Variants in RPL32 observed in about 807,000 individuals in gnomAD.
RPL32 encodes the protein large ribosomal subunit protein eL32.
For missense variants in RPL32, 117 were observed against 173.7 expected, an observed-to-expected ratio of 0.67 and a Z score of 1.83; for synonymous variants, 61 against 62.6, an observed-to-expected ratio of 0.98 and a Z score of 0.12.
chr3:12,836,576 G>C (rs765596215), intron 3 of RPL32, among the ~76,000 whole-genome samples: 3 of 152,100 alleles, frequency 2.0e-5, no homozygotes, highest in Non-Finnish European at 4.4e-5. Flanking sequence ...CCAGTCACAG[G>C]GTGCTTGACC....
intron 2 of RPL32, 117 bp downstream of exon 2, chr3:12,840,025 G>A: frequency 1.2e-6 from 1 of 849,062 alleles, no homozygotes; most frequent in Non-Finnish European, 2.0e-6. Context: ...TATTTCTACA[G>A]AAAGCTCTTC....
chr3:12,840,347 G>C, intron 1 of RPL32, 105 bp from the exon 2 acceptor site: 1 of 864,690 alleles, frequency 1.2e-6, no homozygotes. Context: ...GCCAGCTACG[G>C]AGCAAGCTGG....
intron 3 of RPL32, among the ~76,000 whole-genome samples, chr3:12,838,102 T>C (rs1331815687): frequency 6.6e-6 from 1 of 152,212 alleles, no homozygotes; most frequent in African/African-American, 2.4e-5. Flanking sequence ...ACACAGAGCC[T>C]GTCTATCTCT....
At chr3:12,841,351 TTC>T (rs1491508513) in intron 1 of RPL32, 141 bp downstream of exon 1, 1 of 152,262 alleles carries the variant, frequency 6.6e-6, no homozygotes, top group African/African-American at 2.4e-5. Flanking sequence ...GGCGGCTTCG[TTC>T]TGTTCCTGTA....
intron 2 of RPL32, among the ~76,000 whole-genome samples, chr3:12,839,747 CCAAG>C (rs2062132769): frequency 6.6e-6 from 1 of 152,148 alleles, no homozygotes; most frequent in African/African-American, 2.4e-5. Flanking sequence ...ATTGCCACTC[CCAAG>C]CAATGGAGGA....
At chr3:12,836,898 C>T (rs1052824444) in intron 3 of RPL32, among the ~76,000 whole-genome samples, 7 of 152,176 alleles carry the variant, frequency 4.6e-5, no homozygotes, top group African/African-American at 1.2e-4. Context: ...AGACATTCCA[C>T]CCCTAAAGCA....
At chr3:12,836,664 T>C (rs996979808) in intron 3 of RPL32, among the ~76,000 whole-genome samples, 6 of 152,188 alleles carry the variant, frequency 3.9e-5, no homozygotes. Context: ...CAAGAGCACC[T>C]GGTTTGACTG....
At position 12,834,593 on chromosome 3, in the gene RPL32, T is replaced by C. The variant is rs1349436195; in HGVS notation, c.*1501A>G. On this transcript the variant is annotated 3_prime_UTR_variant, in exon 4 of 4. Transcript: ENST00000429711. ...GAACTGGACAGGCTTGGACCTCATG[T>C]TTCATTTCTAATTTCAAAATACTTA... 6.6e-6 allele frequency: 1 copy of C among 152,572 alleles called. No individual in the cohort carries two copies. Among genetic ancestry groups the C allele is most frequent in the African/African-American group, 2.4e-5 (1 of 41,456 alleles). The allele number at this position is 152,572 out of a possible 1,614,324, so 9.5% of individuals were successfully genotyped here.
At chr3:12,836,340 T>G in intron 3 of RPL32, 117 bp from the exon 4 acceptor site, 1 of 1,264,030 alleles carries the variant, frequency 7.9e-7, no homozygotes, top group Non-Finnish European at 1.1e-6. Flanking sequence ...GGTAAGTGGC[T>G]GTGGAATGAC....
At chr3:12,839,104 G>C (rs11721292) in intron 3 of RPL32, 13,908 of 581,204 alleles carry the variant, frequency 0.024, 213 homozygotes, top group Middle Eastern at 0.03. Flanking sequence ...TCACAAAGCA[G>C]TCTTTTCCTG....
chr3:12,836,357 A>T (rs2062100124), intron 3 of RPL32, 134 bp from the exon 4 acceptor site: 1 of 1,005,144 alleles, frequency 9.9e-7, no homozygotes, highest in Admixed American at 2.2e-5. Context: ...TGACACCTAC[A>T]TGCCCCCAAA....
At chr3:12,836,735 C>G (rs1389337809) in intron 3 of RPL32, among the ~76,000 whole-genome samples, 7 of 152,260 alleles carry the variant, frequency 4.6e-5, no homozygotes, top group African/African-American at 1.7e-4. Flanking sequence ...CATAGCCATG[C>G]CTATTACCTG....
intron 2 of RPL32, 138 bp from the exon 3 acceptor site, chr3:12,839,668 CCTTA>C: frequency 1.1e-6 from 1 of 889,174 alleles, no homozygotes; most frequent in Non-Finnish European, 1.8e-6. Flanking sequence ...TTCACTATTT[CCTTA>C]CTTTTTTGGT....
chr3:12,837,511 C>T (rs746800479), intron 3 of RPL32, among the ~76,000 whole-genome samples: 3 of 152,246 alleles, frequency 2.0e-5, no homozygotes, highest in Non-Finnish European at 4.4e-5. Context: ...GGCCATACAA[C>T]AGGTATTGCC....
At chr3:12,840,274 A>G in intron 1 of RPL32, 32 bp from the exon 2 acceptor site, 1 of 1,497,964 alleles carries the variant, frequency 6.7e-7, no homozygotes, top group Non-Finnish European at 9.3e-7. Context: ...CAGGTGAGGA[A>G]GAATCCTGGA....
intron 2 of RPL32, 91 bp downstream of exon 2, chr3:12,840,051 C>T (rs752611545): frequency 2.8e-5 from 29 of 1,042,304 alleles, no homozygotes; most frequent in Middle Eastern, 2.8e-4. Flanking sequence ...GCCAGTTCAT[C>T]GGTCAAAGAT....
chr3:12,840,367 G>A (rs765777544), intron 1 of RPL32, 125 bp from the exon 2 acceptor site: 11 of 788,390 alleles, frequency 1.4e-5, no homozygotes, highest in Non-Finnish European at 2.3e-5. Flanking sequence ...GGAATGGAAT[G>A]GGTGCCTCTG....
Position 12,834,903 on chromosome 3 carries a change from G to A in RPL32, c.*1191C>T, listed in dbSNP as rs2062087582. The A allele has an allele frequency of 6.6e-6, 1 of 152,106 alleles. No homozygotes were observed. The highest frequency in any genetic ancestry group is 2.4e-5 in the African/African-American group (1 of 41,408). 9.4% of individuals were successfully genotyped at this position (152,106 alleles called of 1,614,324 possible). A position where few individuals can be genotyped will look rare whatever the true frequency, so the allele number is the denominator to read the frequency against. On this transcript the variant is annotated 3_prime_UTR_variant, in exon 4 of 4. Coordinates refer to ENST00000429711, the MANE Select transcript of RPL32 (RefSeq NM_000994.4). Reference sequence around the variant, plus strand: ...GCCAAGATCAAGCCACTGCACTCCAGCCGGGGTGACAGAATGAGTCTCAAA... The same window carrying A: ...GCCAAGATCAAGCCACTGCACTCCAACCGGGGTGACAGAATGAGTCTCAAA...
In RPL32 at chr3:12,841,515, C is replaced by G. The variant is rs1455979340; in HGVS notation, c.-27G>C. On this transcript the variant is annotated 5_prime_UTR_variant, in exon 1 of 4. Transcript: ENST00000429711. ...TTACCGAGAAGGAGATGGCTGCCACCTCCGTAGGCAGCGCCGAGGAAGAGA... is the reference window on the plus strand; with the variant it reads ...TTACCGAGAAGGAGATGGCTGCCACGTCCGTAGGCAGCGCCGAGGAAGAGA... The G allele has an allele frequency of 6.6e-6, 1 of 152,216 alleles. No homozygotes were observed. Among genetic ancestry groups the G allele is most frequent in the East Asian group, 1.9e-4 (1 of 5,190 alleles). The allele number at this position is 152,216 out of a possible 1,614,324, so 9.4% of individuals were successfully genotyped here.
Sources: allele counts gnomAD v4.1 joint callset (sites outside exome capture counted in the v4.1 genomes callset), GRCh38; gene constraint gnomAD v4.1.1; transcripts MANE v1.5; gene names NCBI Gene and HGNC (gene_info 2026-07-23, HGNC 2026-07-21).